PI4KA: variants seen among roughly 807,000 people sequenced by gnomAD.
PI4KA encodes PI4-kinase alpha.
PI4KA carries 122 observed loss-of-function variants against 271.4 expected under a neutral mutation model. That is an observed-to-expected ratio of 0.45 (90% CI 0.39 to 0.52). The LOEUF is 0.52. Ranked by LOEUF, PI4KA falls within the 20% of genes least tolerant of loss-of-function variation. PI4KA has a pLI of 0.00. For synonymous variants in PI4KA, 1,041 were observed against 1,078.8 expected (o/e 0.96, Z 0.69); for missense variants, 1,969 against 2,769.1 (o/e 0.71, Z 6.48).
At chr22:20,773,608 C>T (rs1401863647) in intron 19 of PI4KA, among the ~76,000 whole-genome samples, 1 of 152,192 alleles carries the variant, frequency 6.6e-6, no homozygotes, top group East Asian at 1.9e-4. Flanking sequence ...ATTCTGTAAG[C>T]CACTAATTTT....
intron 2 of PI4KA, among the ~76,000 whole-genome samples, chr22:20,836,677 A>G (rs902691201): frequency 5.9e-5 from 9 of 152,190 alleles, no homozygotes; most frequent in Non-Finnish European, 7.4e-5. Flanking sequence ...GGTAAAAACC[A>G]AGGTGGTCCC....
chr22:20,790,737 CACACAA>C (rs1334925018), intron 19 of PI4KA, among the ~76,000 whole-genome samples: 15 of 145,186 alleles, frequency 1.0e-4, no homozygotes, highest in African/African-American at 4.0e-4. Context: ...CACACACACA[CACACAA>C]CAAAAAAAAC....
intron 32 of PI4KA, chr22:20,736,294 A>G (rs1489408789): frequency 1.3e-5 from 2 of 151,462 alleles, no homozygotes; most frequent in Non-Finnish European, 2.9e-5. Flanking sequence ...GCTGAGAATC[A>G]TCCGTGGGAA....
At chr22:20,814,757 AAAATGACATAGC>A (rs2147667005) in intron 7 of PI4KA, among the ~76,000 whole-genome samples, 1 of 152,180 alleles carries the variant, frequency 6.6e-6, no homozygotes, top group South Asian at 2.1e-4. Context: ...TTAAAAAAAA[AAAATGACATAGC>A]AAATTTTATG....
intron 1 of PI4KA, among the ~76,000 whole-genome samples, chr22:20,839,809 G>A (rs1383724131): frequency 6.7e-6 from 1 of 149,098 alleles, no homozygotes; most frequent in Non-Finnish European, 1.5e-5. Context: ...TCCAGCCTGG[G>A]CGACAGAGCA....
intron 30 of PI4KA, 175 bp from the exon 31 acceptor site, chr22:20,742,939 C>CA (rs544723899): frequency 4.0e-6 from 2 of 499,652 alleles, no homozygotes; most frequent in Admixed American, 6.8e-5. Flanking sequence ...CTGATCACAG[C>CA]TTTTTTTTTT....
rs1431263512 is a variant in PI4KA at position 20,788,997 on chromosome 22, T to A, written c.2328+4196A>T. The stretch of plus-strand genomic sequence containing the variant: ...CCTCTCTGCTACAGCCGGTGTGGAG[T>A]CCTCCACACTCTTGAGCATCCAGAC... On this transcript the variant is annotated intron_variant, in intron 19 of 54. Transcript: ENST00000255882. 3.9e-5 allele frequency among the ~76,000 whole-genome samples: 6 copies of A among 151,972 alleles called. No individual in the cohort carries two copies. In the East Asian group the frequency reaches 1.2e-3, roughly 29 times the overall value.
chr22:20,790,257 C>A (rs1275784442), intron 19 of PI4KA, among the ~76,000 whole-genome samples: 1 of 152,198 alleles, frequency 6.6e-6, no homozygotes, highest in East Asian at 1.9e-4. Flanking sequence ...AGGCTTCCTG[C>A]CCCAAATCCA....
At chr22:20,817,862 T>C (rs965703165) in intron 7 of PI4KA, among the ~76,000 whole-genome samples, 3 of 147,136 alleles carry the variant, frequency 2.0e-5, no homozygotes, top group Non-Finnish European at 3.0e-5. Context: ...TGGTGGCTCA[T>C]GCATGTAATC....
At chr22:20,752,370 G>A (rs1930798104) in intron 25 of PI4KA, among the ~76,000 whole-genome samples, 1 of 152,226 alleles carries the variant, frequency 6.6e-6, no homozygotes, top group South Asian at 2.1e-4. Context: ...CCTCTGGGGA[G>A]CTGCAGGCAG....
chr22:20,858,772 C>A lies in PI4KA; in HGVS notation c.-47G>T. On this transcript the variant is annotated 5_prime_UTR_variant, in exon 1 of 55. Transcript: ENST00000255882. ...GCCCGCCGGCTCCCCGCTCCTGGCC[C>A]GCGAGCGCCCGACCTCAGGGCGCAG... The A allele has an allele frequency of 2.0e-5, 28 of 1,366,938 alleles. No homozygotes were observed. The highest frequency in any genetic ancestry group is 2.7e-5 in the Non-Finnish European group (28 of 1,056,222). 84.7% of individuals were successfully genotyped at this position (1,366,938 alleles called of 1,614,324 possible).
intron 13 of PI4KA, 110 bp from the exon 14 acceptor site, chr22:20,802,215 G>T: frequency 1.1e-6 from 1 of 903,952 alleles, no homozygotes; most frequent in Non-Finnish European, 1.7e-6. Flanking sequence ...AAAGCAAAAT[G>T]ATCACTCTAA....
intron 19 of PI4KA, among the ~76,000 whole-genome samples, chr22:20,771,748 A>C (rs1932884845): frequency 6.6e-6 from 1 of 151,730 alleles, no homozygotes; most frequent in Non-Finnish European, 1.5e-5. Flanking sequence ...CACCCAGCTA[A>C]TTTTTGTATT....
rs950445540 is a variant in PI4KA at position 20,849,063 on chromosome 22, A to G, written c.156+9507T>C. Among the ~76,000 whole-genome samples, 3 of 152,360 alleles carry G rather than the reference A, an allele frequency of 2.0e-5. No homozygotes were observed. In the South Asian group the frequency reaches 6.2e-4, roughly 32 times the overall value. ...AAAGAAGATCTACAAATACCCCAAA[A>G]GAGTGGCTGTTCTAGGATAGAATAG... On this transcript the variant is annotated intron_variant, in intron 1 of 54. Coordinates refer to ENST00000255882, the MANE Select transcript of PI4KA (RefSeq NM_058004.4).
At chr22:20,761,247 C>A (rs1931937434) in intron 23 of PI4KA, 57 bp downstream of exon 23, 1 of 948,936 alleles carries the variant, frequency 1.1e-6, no homozygotes, top group African/African-American at 1.6e-5. Context: ...AAGTAGTACG[C>A]CTTTTTACCC....
intron 19 of PI4KA, among the ~76,000 whole-genome samples, chr22:20,776,718 T>C (rs983711980): frequency 6.6e-6 from 1 of 152,110 alleles, no homozygotes; most frequent in Non-Finnish European, 1.5e-5. Flanking sequence ...CTGCCACTTA[T>C]TAGTGACAGT....
intron 18 of PI4KA, among the ~76,000 whole-genome samples, chr22:20,795,424 T>C (rs994822229): frequency 3.3e-5 from 5 of 151,848 alleles, no homozygotes; most frequent in African/African-American, 7.3e-5. Flanking sequence ...ATAAAAAAAA[T>C]ACAAAAACAA....
intron 2 of PI4KA, among the ~76,000 whole-genome samples, chr22:20,838,255 C>A (rs141976449): frequency 6.6e-6 from 1 of 152,162 alleles, no homozygotes; most frequent in East Asian, 1.9e-4. Flanking sequence ...ATACAATACC[C>A]CTGAGTCTGA....
At chr22:20,824,146 C>G (rs1174896055) in intron 4 of PI4KA, among the ~76,000 whole-genome samples, 180 bp downstream of exon 4, 4 of 151,470 alleles carry the variant, frequency 2.6e-5, no homozygotes, top group Non-Finnish European at 5.9e-5. Context: ...AGATAAGACT[C>G]GAGATCCTAA....
Sources: allele counts gnomAD v4.1 joint callset (sites outside exome capture counted in the v4.1 genomes callset), GRCh38; gene constraint gnomAD v4.1.1; transcripts MANE v1.5; gene names NCBI Gene and HGNC (gene_info 2026-07-23, HGNC 2026-07-21).